The following ACER3 variants were observed in gnomAD, a reference collection of about 807,000 sequenced individuals.
The protein encoded by ACER3 is alkCDase 3.
ACER3 carries 16 observed loss-of-function variants against 48.9 expected under a neutral mutation model. The observed-to-expected ratio is 0.33, with a 90% CI of 0.22 to 0.50. The LOEUF (loss-of-function observed/expected upper bound fraction) is 0.50. ACER3 is among the 20% of genes least tolerant of loss of function. ACER3 has a pLI of 0.98. For synonymous variants in ACER3, 109 were observed against 107.8 expected (o/e 1.01, Z -0.07); for missense variants, 227 against 326.0 (o/e 0.70, Z 2.34).
chr11:76,920,657 G>A (rs1426336819), intron 1 of ACER3, among the ~76,000 whole-genome samples: 1 of 98,544 alleles, frequency 1.0e-5, no homozygotes, highest in Non-Finnish European at 2.5e-5. Context: ...TTTTTTAACA[G>A]ACAGAGTCTT....
At chr11:76,969,957 T>A (rs998147500) in intron 3 of ACER3, among the ~76,000 whole-genome samples, 5 of 149,222 alleles carry the variant, frequency 3.4e-5, no homozygotes, top group African/African-American at 4.9e-5. Flanking sequence ...ATAATAAAAT[T>A]AAAAAAAAAA....
chr11:76,985,362 G>A (rs1356946149), intron 4 of ACER3, among the ~76,000 whole-genome samples: 1 of 152,160 alleles, frequency 6.6e-6, no homozygotes, highest in South Asian at 2.1e-4. Flanking sequence ...ACTGGCCACC[G>A]CGCCCAGCTA....
chr11:76,969,585 C>T (rs961223497), intron 3 of ACER3, among the ~76,000 whole-genome samples: 9 of 151,842 alleles, frequency 5.9e-5, no homozygotes, highest in Non-Finnish European at 1.3e-4. Context: ...GAAAATATGG[C>T]ACATACACAC....
chr11:76,884,340 A>T (rs1175490851), intron 1 of ACER3, among the ~76,000 whole-genome samples: 1 of 152,088 alleles, frequency 6.6e-6, no homozygotes, highest in Non-Finnish European at 1.5e-5. Context: ...TTGCTCTGCT[A>T]CCTAGTTGTT....
chr11:76,991,317 C>T (rs533804929), intron 6 of ACER3, among the ~76,000 whole-genome samples: 4 of 152,144 alleles, frequency 2.6e-5, no homozygotes, highest in South Asian at 2.1e-4. Flanking sequence ...TAAATAAGCA[C>T]GCTTTTCAGA....
intron 1 of ACER3, among the ~76,000 whole-genome samples, chr11:76,904,039 T>C (rs1213322504): frequency 6.6e-6 from 1 of 152,178 alleles, no homozygotes; most frequent in African/African-American, 2.4e-5. Context: ...CAGGTTGGAG[T>C]GCAGTGGTGC....
intron 2 of ACER3, among the ~76,000 whole-genome samples, chr11:76,942,832 G>T (rs1235204479): frequency 1.3e-5 from 2 of 151,754 alleles, no homozygotes; most frequent in African/African-American, 2.4e-5. Context: ...TTTGTTGGGA[G>T]ATTTTTTTTA....
At chr11:76,976,789 T>C (rs10793223) in intron 4 of ACER3, among the ~76,000 whole-genome samples, 90,531 of 152,072 alleles carry the variant, frequency 0.6, 30,704 homozygotes, top group Non-Finnish European at 0.76. Context: ...AAATAGATAC[T>C]TGCTTTCTTA....
chr11:77,020,044 T>G (rs563165325), intron 10 of ACER3, among the ~76,000 whole-genome samples: 2 of 152,214 alleles, frequency 1.3e-5, no homozygotes, highest in African/African-American at 4.8e-5. Context: ...CCCAGCTCCA[T>G]GCTTGACAAA....
intron 2 of ACER3, among the ~76,000 whole-genome samples, chr11:76,947,935 T>C (rs898968151): frequency 1.3e-5 from 2 of 152,068 alleles, no homozygotes; most frequent in Non-Finnish European, 2.9e-5. Flanking sequence ...AAGTAGCCCA[T>C]GTAGTCAGTG....
At chr11:77,002,190 T>G (rs2135273859) in intron 7 of ACER3, among the ~76,000 whole-genome samples, 1 of 152,264 alleles carries the variant, frequency 6.6e-6, no homozygotes, top group Non-Finnish European at 1.5e-5. Context: ...GTACAGGGGG[T>G]TAGGACTTTA....
rs181046115 is a variant in ACER3, at chr11:76,954,199, G to A, written c.215-4780G>A. ...CGACCTCAGGTGATCCACCCACCTCGGCCTCCCAAAGTGCTGGGATTATAG... is the reference window on the plus strand; with the variant it reads ...CGACCTCAGGTGATCCACCCACCTCAGCCTCCCAAAGTGCTGGGATTATAG... On this transcript the variant is annotated intron_variant, in intron 2 of 10. Coordinates refer to ENST00000532485, the MANE Select transcript of ACER3 (RefSeq NM_018367.7). Among the ~76,000 whole-genome samples, 1,164 of 152,096 alleles carry A rather than the reference G, an allele frequency of 7.7e-3. 6 individuals are homozygous for A. Among genetic ancestry groups the A allele is most frequent in the African/African-American group, 0.026 (1,088 of 41,504 alleles).
At chr11:76,955,550 C>G (rs964418439) in intron 2 of ACER3, 11 of 152,358 alleles carry the variant, frequency 7.2e-5, no homozygotes, top group African/African-American at 2.7e-4. Context: ...TGGTCACTTT[C>G]TTGCTGTGTC....
At chr11:76,926,750 T>A in intron 2 of ACER3, 83 bp downstream of exon 2, 1 of 897,068 alleles carries the variant, frequency 1.1e-6, no homozygotes, top group South Asian at 1.7e-5. Flanking sequence ...CGGTTTTCAA[T>A]TTTGTGTTAT....
At chr11:76,955,197 C>T (rs1266279063) in intron 2 of ACER3, among the ~76,000 whole-genome samples, 1 of 152,102 alleles carries the variant, frequency 6.6e-6, no homozygotes, top group Non-Finnish European at 1.5e-5. Flanking sequence ...CTCCAAAAAA[C>T]ACTTCCTCAA....
intron 1 of ACER3, among the ~76,000 whole-genome samples, chr11:76,894,440 T>C (rs1157990061): frequency 1.3e-5 from 2 of 152,190 alleles, no homozygotes; most frequent in Non-Finnish European, 2.9e-5. Flanking sequence ...GTCACAAAAA[T>C]TGGAGGCCAC....
At chr11:76,892,221 G>A (rs925231883) in intron 1 of ACER3, among the ~76,000 whole-genome samples, 15 of 152,078 alleles carry the variant, frequency 9.9e-5, no homozygotes, top group African/African-American at 3.6e-4. Flanking sequence ...ATCAAAAGAT[G>A]TTATGTAAAT....
chr11:77,016,169 G>A (rs1204102909), intron 8 of ACER3, among the ~76,000 whole-genome samples: 1 of 150,584 alleles, frequency 6.6e-6, no homozygotes, highest in African/African-American at 2.4e-5. Flanking sequence ...GGAACCTATA[G>A]ATTAAGAGCC....
chr11:76,885,706 G>A (rs1284024280), intron 1 of ACER3, among the ~76,000 whole-genome samples: 1 of 152,072 alleles, frequency 6.6e-6, no homozygotes, highest in Non-Finnish European at 1.5e-5. Context: ...GTGACCCTGG[G>A]GTAATTTGGG....
Sources: allele counts gnomAD v4.1 joint callset (sites outside exome capture counted in the v4.1 genomes callset), GRCh38; gene constraint gnomAD v4.1.1; transcripts MANE v1.5; gene names NCBI Gene and HGNC (gene_info 2026-07-23, HGNC 2026-07-21).